ADAMTSL1: variants seen among roughly 807,000 people sequenced by gnomAD.
ADAMTSL1 encodes ADAMTS like 1.
Under a neutral mutation model 201.8 loss-of-function variants are expected in ADAMTSL1, and 126 were observed. The observed-to-expected ratio is 0.62, with a 90% confidence interval of 0.54 to 0.72. The LOEUF (loss-of-function observed/expected upper bound fraction) is 0.72. Among genes scored for constraint, ADAMTSL1 ranks in the 30% least tolerant of loss-of-function variants. ADAMTSL1 has a pLI of 0.00. For synonymous variants in ADAMTSL1, 1,121 were observed against 903.4 expected (o/e 1.24, Z -4.32); for missense variants, 2,679 against 2,277.8 (o/e 1.18, Z -3.59).
intron 2 of ADAMTSL1, among the ~76,000 whole-genome samples, chr9:18,349,020 A>T (rs759131237): frequency 2.8e-4 from 43 of 152,188 alleles, no homozygotes; most frequent in Admixed American, 5.9e-4. Context: ...AAAGTTGGAG[A>T]AAGTTAAACA....
rs145823301 is a variant in ADAMTSL1 at position 18,073,371 on chromosome 9, G to A, written c.88-90491G>A. Among the ~76,000 whole-genome samples, 45 of 152,296 alleles carry A rather than the reference G, an allele frequency of 3.0e-4. 1 individual carries two copies. Among genetic ancestry groups the A allele is most frequent in the Middle Eastern group, 6.8e-3 (2 of 294 alleles). ...TTTCTACTTGATCGCATGGACTCCTGCAAAGAGCTGCTTTATAAATCCATC... is the reference window on the plus strand; with the variant it reads ...TTTCTACTTGATCGCATGGACTCCTACAAAGAGCTGCTTTATAAATCCATC... On this transcript the variant is annotated intron_variant, in intron 1 of 29. Transcript: ENST00000680146.
chr9:18,207,951 G>T (rs1308104114), intron 2 of ADAMTSL1, among the ~76,000 whole-genome samples: 1 of 152,136 alleles, frequency 6.6e-6, no homozygotes, highest in Non-Finnish European at 1.5e-5. Flanking sequence ...TGTATGTCAG[G>T]AGCGTAGGTT....
chr9:18,070,438 C>T (rs1822913753), intron 1 of ADAMTSL1, among the ~76,000 whole-genome samples: 1 of 151,944 alleles, frequency 6.6e-6, no homozygotes, highest in Non-Finnish European at 1.5e-5. Context: ...AAGAATTTTG[C>T]CTGGGGACGG....
At chr9:18,150,439 T>G (rs79351751) in intron 1 of ADAMTSL1, among the ~76,000 whole-genome samples, 5,362 of 152,132 alleles carry the variant, frequency 0.035, 134 homozygotes, top group Non-Finnish European at 0.057. Flanking sequence ...AGGAAGATAT[T>G]GATAATTTTA....
At chr9:18,061,263 A>C (rs1430793560) in intron 1 of ADAMTSL1, among the ~76,000 whole-genome samples, 2 of 152,196 alleles carry the variant, frequency 1.3e-5, no homozygotes, top group Non-Finnish European at 2.9e-5. Flanking sequence ...CTACTGAGCA[A>C]AAGTGTTTAT....
At chr9:18,359,810 G>GCCCCCC (rs1458111666) in intron 2 of ADAMTSL1, among the ~76,000 whole-genome samples, 1 of 87,350 alleles carries the variant, frequency 1.1e-5, no homozygotes, top group Non-Finnish European at 2.2e-5. Context: ...CAGGGTTAAT[G>GCCCCCC]CCCCACCTCC....
chr9:17,974,112 A>G (rs1458146864), intron 1 of ADAMTSL1, among the ~76,000 whole-genome samples: 3 of 152,042 alleles, frequency 2.0e-5, no homozygotes, highest in African/African-American at 7.2e-5. Flanking sequence ...AATAAGAGCT[A>G]TCTATGAGAA....
intron 9 of ADAMTSL1, 75 bp from the exon 10 acceptor site, chr9:18,675,782 A>T (rs906040657): frequency 3.4e-5 from 45 of 1,318,784 alleles, no homozygotes; most frequent in Middle Eastern, 1.8e-4. Context: ...AAAAATTTGT[A>T]TAATGTAATC....
intron 5 of ADAMTSL1, among the ~76,000 whole-genome samples, chr9:18,630,630 C>G (rs763142257): frequency 1.3e-5 from 2 of 148,666 alleles, no homozygotes; most frequent in Non-Finnish European, 3.0e-5. Flanking sequence ...TGGGCCTTAT[C>G]TGATGTGTTT....
rs199689259 is a variant in ADAMTSL1 at position 18,775,828 on chromosome 9, A to G, written c.2483A>G (p.Asn828Ser). 8.1e-5 allele frequency: 131 copies of G among 1,608,282 alleles called. No homozygotes were observed. The highest frequency in any genetic ancestry group is 1.1e-4 in the Non-Finnish European group (126 of 1,177,178). ...MLKTGLSTVV[N>S]STLCPPLPFS... is the part of the protein sequence containing the mutation. Reference sequence around the variant, plus strand: ...AAAACCGGCCTCTCAACGGTTGTCAATTCCACCCTGTGCCCGCCCCTGCCT... The same window carrying G: ...AAAACCGGCCTCTCAACGGTTGTCAGTTCCACCCTGTGCCCGCCCCTGCCT... The change falls in exon 18 of 29, where the codon AAT (asparagine) becomes AGT (serine). Residue 828 changes from asparagine (N) to serine (S), a missense_variant. Transcript: ENST00000380548.
intron 1 of ADAMTSL1, among the ~76,000 whole-genome samples, chr9:18,027,367 C>G (rs953714653): frequency 6.6e-6 from 1 of 151,690 alleles, no homozygotes; most frequent in African/African-American, 2.4e-5. Flanking sequence ...AAACTTTCAT[C>G]TTAATGCTGC....
chr9:18,356,109 A>G (rs1054591452), intron 2 of ADAMTSL1, among the ~76,000 whole-genome samples: 3 of 152,278 alleles, frequency 2.0e-5, no homozygotes, highest in South Asian at 2.1e-4. Context: ...AGTTTTACTG[A>G]GTGATTAAAA....
At chr9:18,671,572 C>T (rs1829816862) in intron 9 of ADAMTSL1, among the ~76,000 whole-genome samples, 1 of 150,000 alleles carries the variant, frequency 6.7e-6, no homozygotes, top group South Asian at 2.1e-4. Context: ...GGAGAAGAAG[C>T]AAGGCCAAAT....
chr9:18,724,377 T>C (rs1817740137), intron 15 of ADAMTSL1, among the ~76,000 whole-genome samples: 1 of 152,200 alleles, frequency 6.6e-6, no homozygotes, highest in Non-Finnish European at 1.5e-5. Context: ...TGGCTTCTCT[T>C]GACTCTGTGT....
intron 4 of ADAMTSL1, among the ~76,000 whole-genome samples, chr9:18,595,463 C>T (rs1379007227): frequency 6.6e-6 from 1 of 152,128 alleles, no homozygotes; most frequent in Non-Finnish European, 1.5e-5. Flanking sequence ...GGTCTTAGCT[C>T]AGAAAAGTAA....
intron 19 of ADAMTSL1, among the ~76,000 whole-genome samples, chr9:18,780,832 C>T (rs1821350299): frequency 6.6e-6 from 1 of 152,120 alleles, no homozygotes; most frequent in African/African-American, 2.4e-5. Context: ...TTTTTAACAG[C>T]TGATTACTGT....
chr9:18,311,731 C>T (rs1834165484), intron 2 of ADAMTSL1, among the ~76,000 whole-genome samples: 1 of 152,166 alleles, frequency 6.6e-6, no homozygotes, highest in Admixed American at 6.5e-5. Flanking sequence ...GACAAGGAGG[C>T]AGTCAGTCTC....
At chr9:18,585,047 G>A (rs796484695) in intron 4 of ADAMTSL1, among the ~76,000 whole-genome samples, 156 of 152,206 alleles carry the variant, frequency 1.0e-3, no homozygotes, top group African/African-American at 3.5e-3. Context: ...ATTCATCCAA[G>A]CTCTACCCAT....
At chr9:18,882,133 A>G (rs17807634) in intron 23 of ADAMTSL1, among the ~76,000 whole-genome samples, 3,959 of 152,290 alleles carry the variant, frequency 0.026, 121 homozygotes, top group South Asian at 0.13. Flanking sequence ...AGGGGCTGCT[A>G]CCACTCCTTT....
Sources: allele counts gnomAD v4.1 joint callset (sites outside exome capture counted in the v4.1 genomes callset), GRCh38; gene constraint gnomAD v4.1.1; transcripts MANE v1.5; gene names NCBI Gene and HGNC (gene_info 2026-07-23, HGNC 2026-07-21).